Variants in ERG observed in about 807,000 individuals in gnomAD.
The protein encoded by ERG is transcriptional regulator ERG.
Under a neutral mutation model 55.3 loss-of-function variants are expected in ERG, and 9 were observed. The ratio of observed to expected loss-of-function variants is 0.16; its 90% CI spans 0.10 to 0.28. The LOEUF (loss-of-function observed/expected upper bound fraction) is 0.28, where lower values mean the gene tolerates loss of function less well. Among genes scored for constraint, ERG ranks in the 10% least tolerant of loss-of-function variants. ERG has a pLI of 1.00. For synonymous variants in ERG, 223 were observed against 237.3 expected, an observed-to-expected ratio of 0.94 and a Z score of 0.55; for missense variants, 434 against 631.6, an observed-to-expected ratio of 0.69 and a Z score of 3.35.
intron 2 of ERG, among the ~76,000 whole-genome samples, chr21:38,439,743 T>A (rs2058822914): frequency 6.6e-6 from 1 of 152,244 alleles, no homozygotes; most frequent in African/African-American, 2.4e-5. Flanking sequence ...TCTTTTATTA[T>A]GCTTTACAGA....
At chr21:38,657,954 A>G (rs891576662) in intron 1 of ERG, among the ~76,000 whole-genome samples, 2 of 152,296 alleles carry the variant, frequency 1.3e-5, no homozygotes, top group South Asian at 4.2e-4. Context: ...TACCATAATC[A>G]TCGGAAACTG....
intron 3 of ERG, among the ~76,000 whole-genome samples, chr21:38,416,888 G>T (rs1456954841): frequency 4.6e-5 from 7 of 152,222 alleles, no homozygotes; most frequent in Non-Finnish European, 8.8e-5. Flanking sequence ...CAGCGCGTGA[G>T]TTGGGGATGT....
chr21:38,491,019 G>A (rs532193245), intron 1 of ERG, among the ~76,000 whole-genome samples: 13 of 152,084 alleles, frequency 8.5e-5, no homozygotes, highest in Non-Finnish European at 1.8e-4. Flanking sequence ...CACACATATC[G>A]TATGGATCCA....
chr21:38,487,116 T>C (rs1263690930), intron 1 of ERG, among the ~76,000 whole-genome samples: 2 of 117,942 alleles, frequency 1.7e-5, no homozygotes, highest in Non-Finnish European at 3.4e-5. Flanking sequence ...CAGCCCTCAC[T>C]CCTCTTTTTT....
At chr21:38,507,534 G>GTGAA (rs111369699) in intron 2 of ERG, among the ~76,000 whole-genome samples, 85,492 of 150,100 alleles carry the variant, frequency 0.57, 24,496 homozygotes, top group South Asian at 0.64. Context: ...TACTGAATGA[G>GTGAA]TGAATGAATG....
chr21:38,392,729 A>G (rs1181824861), intron 6 of ERG, among the ~76,000 whole-genome samples: 1 of 152,206 alleles, frequency 6.6e-6, no homozygotes, highest in African/African-American at 2.4e-5. Context: ...AGACCCCAAT[A>G]AAAGTTTCTT....
At chr21:38,637,699 T>C (rs2060398329) in intron 1 of ERG, among the ~76,000 whole-genome samples, 1 of 152,226 alleles carries the variant, frequency 6.6e-6, no homozygotes. Context: ...GTTTTTAACT[T>C]ACTGTAATAT....
At chr21:38,489,923 C>T (rs113647374) in intron 1 of ERG, among the ~76,000 whole-genome samples, 4,967 of 152,260 alleles carry the variant, frequency 0.033, 161 homozygotes, top group Middle Eastern at 0.099. Context: ...TTTTTCAAGC[C>T]GCCTTCCAGG....
chr21:38,452,079 C>A (rs1164220868), intron 1 of ERG, among the ~76,000 whole-genome samples: 7 of 152,116 alleles, frequency 4.6e-5, no homozygotes, highest in Admixed American at 4.6e-4. Flanking sequence ...TAAAAAAAAT[C>A]TTGGATTAAC....
At chr21:38,656,546 G>A (rs796409703) in intron 1 of ERG, among the ~76,000 whole-genome samples, 9 of 152,246 alleles carry the variant, frequency 5.9e-5, no homozygotes, top group African/African-American at 1.7e-4. Flanking sequence ...AAATGTGCAC[G>A]CTCCAATTTA....
intron 1 of ERG, among the ~76,000 whole-genome samples, chr21:38,580,241 C>T (rs2060020900): frequency 1.3e-5 from 2 of 152,238 alleles, no homozygotes; most frequent in South Asian, 4.1e-4. Context: ...GCGTGAGCCA[C>T]CACACCTGGC....
At chr21:38,439,271 C>A (rs2058818926) in intron 2 of ERG, among the ~76,000 whole-genome samples, 1 of 152,184 alleles carries the variant, frequency 6.6e-6, no homozygotes, top group Non-Finnish European at 1.5e-5. Flanking sequence ...CACAGACCTG[C>A]CAGCCTGCTC....
chr21:38,560,076 G>A (rs865802001), intron 2 of ERG, among the ~76,000 whole-genome samples: 3 of 152,294 alleles, frequency 2.0e-5, no homozygotes, highest in East Asian at 3.9e-4. Context: ...AAGCACTCAG[G>A]ACAGAAGCCA....
At chr21:38,591,970 T>C (rs937273866) in intron 1 of ERG, among the ~76,000 whole-genome samples, 12 of 152,084 alleles carry the variant, frequency 7.9e-5, no homozygotes, top group Admixed American at 6.5e-4. Flanking sequence ...GTAGAGGAGA[T>C]AGAGATTCTA....
In ERG at chr21:38,380,270, T is replaced by G; in HGVS notation, c.*3133A>C. ...GCTGCACCTGCTGTCAGAGGGCAGC[T>G]CCTCCGGCTCCTGCTCCTGGGTTGC... On this transcript the variant is annotated 3_prime_UTR_variant, in exon 10 of 10. Coordinates refer to ENST00000288319, the MANE Select transcript of ERG (RefSeq NM_182918.4). 1 of 1,056,200 alleles carries G rather than the reference T, an allele frequency of 9.5e-7. No homozygotes were observed. Among genetic ancestry groups the G allele is most frequent in the Non-Finnish European group, 1.1e-6 (1 of 873,628 alleles). The allele number at this position is 1,056,200 out of a possible 1,614,324, so 65.4% of individuals were successfully genotyped here. A position where few individuals can be genotyped will look rare whatever the true frequency, so the allele number is the denominator to read the frequency against.
At chr21:38,549,354 C>T (rs551587182) in intron 2 of ERG, among the ~76,000 whole-genome samples, 1 of 152,272 alleles carries the variant, frequency 6.6e-6, no homozygotes, top group African/African-American at 2.4e-5. Flanking sequence ...CACTAACTAG[C>T]TGTAGCTGTG....
At chr21:38,491,841 G>T (rs1178380711) in intron 1 of ERG, among the ~76,000 whole-genome samples, 4 of 152,158 alleles carry the variant, frequency 2.6e-5, no homozygotes, top group Non-Finnish European at 5.9e-5. Context: ...ACTGCCCCTT[G>T]GATCTCGCCA....
intron 3 of ERG, among the ~76,000 whole-genome samples, chr21:38,419,534 C>T (rs1040308130): frequency 2.7e-5 from 4 of 148,758 alleles, no homozygotes; most frequent in Non-Finnish European, 4.5e-5. Context: ...CACACACGTG[C>T]GTGTAAACCT....
At chr21:38,499,092 A>C (rs1302119667), upstream of ERG, among the ~76,000 whole-genome samples, 1 of 152,244 alleles carries the variant, frequency 6.6e-6, no homozygotes. Flanking sequence ...TTGAAAACGC[A>C]AGGACTCTAG....
Sources: gnomAD v4.1 joint callset for allele counts (sites outside exome capture counted in the v4.1 genomes callset) on GRCh38, gnomAD v4.1.1 for gene constraint, MANE v1.5 for transcripts, NCBI Gene and HGNC (gene_info 2026-07-23, HGNC 2026-07-21) for gene names.